The following IPO7 variants were observed in gnomAD, a reference collection of about 807,000 sequenced individuals.
IPO7 encodes importin-7.
A neutral mutation model predicts 136.4 loss-of-function variants in IPO7; 13 were observed. The observed-to-expected ratio is 0.10, with a 90% CI of 0.06 to 0.15. The LOEUF (loss-of-function observed/expected upper bound fraction) is 0.15. Ranked by LOEUF, IPO7 falls within the 10% of genes least tolerant of loss-of-function variation. The pLI is 1.00. For synonymous variants in IPO7, 403 were observed against 404.4 expected (o/e 1.00, Z 0.04); for missense variants, 857 against 1,240.6 (o/e 0.69, Z 4.65).
At chr11:9,444,836 C>CAAAA (rs1044435694) in intron 24 of IPO7, among the ~76,000 whole-genome samples, 2 of 71,064 alleles carry the variant, frequency 2.8e-5, no homozygotes, top group African/African-American at 4.4e-5. Context: ...GACTCTGTCT[C>CAAAA]AAAAAAAAAA....
intron 6 of IPO7, among the ~76,000 whole-genome samples, chr11:9,419,559 A>AAAAAAATAT (rs1256216265): frequency 8.6e-6 from 1 of 116,866 alleles, no homozygotes; most frequent in African/African-American, 3.8e-5. Context: ...AAAAAAAAAA[A>AAAAAAATAT]ATATATATAT....
chr11:9,426,019 C>A (rs1405695633), intron 12 of IPO7, among the ~76,000 whole-genome samples: 2 of 151,954 alleles, frequency 1.3e-5, no homozygotes, highest in East Asian at 3.9e-4. Context: ...GCACTCCATG[C>A]TCCAGTCCAG....
chr11:9,416,694 C>T (rs1386939339), intron 5 of IPO7, among the ~76,000 whole-genome samples: 1 of 152,096 alleles, frequency 6.6e-6, no homozygotes. Flanking sequence ...CTGTAAACAT[C>T]TTTATGGATG....
intron 24 of IPO7, among the ~76,000 whole-genome samples, chr11:9,443,683 G>T (rs962134386): frequency 4.5e-4 from 67 of 150,384 alleles, no homozygotes; most frequent in African/African-American, 1.6e-3. Flanking sequence ...CAGGAGGGTT[G>T]CTTGAGTTTG....
At chr11:9,414,054 T>C (rs763626688) in intron 4 of IPO7, among the ~76,000 whole-genome samples, 2 of 152,214 alleles carry the variant, frequency 1.3e-5, no homozygotes, top group Admixed American at 6.5e-5. Flanking sequence ...TCATAATACA[T>C]GTTCAGAAAA....
intron 2 of IPO7, among the ~76,000 whole-genome samples, chr11:9,407,816 C>T (rs1486223874): frequency 6.6e-6 from 1 of 152,144 alleles, no homozygotes; most frequent in South Asian, 2.1e-4. Context: ...TCTGTTCTCC[C>T]CCACTCTCTG....
chr11:9,440,727 T>G, intron 23 of IPO7, 66 bp downstream of exon 23: 2 of 1,272,788 alleles, frequency 1.6e-6, no homozygotes, highest in East Asian at 2.3e-5. Flanking sequence ...CTGCCTGCCC[T>G]TTAAAGGAAG....
chr11:9,410,438 C>G (rs1034131807), intron 4 of IPO7, among the ~76,000 whole-genome samples: 1 of 152,064 alleles, frequency 6.6e-6, no homozygotes, highest in African/African-American at 2.4e-5. Context: ...GATTAAAGCT[C>G]TTTATTACTT....
intron 4 of IPO7, among the ~76,000 whole-genome samples, chr11:9,411,215 C>G (rs1412709407): frequency 6.6e-6 from 1 of 152,174 alleles, no homozygotes; most frequent in East Asian, 1.9e-4. Flanking sequence ...GTGGGAGATA[C>G]AGGAGGCTGC....
At chr11:9,397,092 C>CAT (rs1241885145) in intron 1 of IPO7, among the ~76,000 whole-genome samples, 24 of 151,234 alleles carry the variant, frequency 1.6e-4, no homozygotes, top group African/African-American at 5.4e-4. Context: ...TGTTGCTATA[C>CAT]ATCTGTCCAG....
chr11:9,387,481 TC>T (rs1223002826), intron 1 of IPO7, among the ~76,000 whole-genome samples: 7 of 152,350 alleles, frequency 4.6e-5, no homozygotes, highest in African/African-American at 1.7e-4. Context: ...CTATCTCCTT[TC>T]ACTTGTTTTT....
intron 4 of IPO7, 78 bp from the exon 5 acceptor site, chr11:9,414,177 A>T (rs1184861292): frequency 3.9e-6 from 4 of 1,036,382 alleles, no homozygotes; most frequent in Admixed American, 3.0e-5. Flanking sequence ...ATATTTGTGT[A>T]AATAAATGCA....
At position 9,420,751 on chromosome 11, in the gene IPO7, T is replaced by TTA. The variant is rs565448679; in HGVS notation, c.906+59_906+60dup. The TTA allele has an allele frequency of 2.0e-3, 2,325 of 1,190,294 alleles. 8 individuals are homozygous for TTA. The highest frequency in any genetic ancestry group is 2.7e-3 in the Non-Finnish European group (2,155 of 799,246). 73.7% of individuals were successfully genotyped at this position (1,190,294 alleles called of 1,614,324 possible). A position where few individuals can be genotyped will look rare whatever the true frequency, so the allele number is the denominator to read the frequency against. The stretch of plus-strand genomic sequence containing the variant: ...GGAAACATGGCATCTTTAAGTTAAT[T>TTA]TATATATTGCTTATTCCCAGTTTCT... On this transcript the variant is annotated intron_variant, in intron 8 of 24. Coordinates refer to ENST00000379719, the MANE Select transcript of IPO7 (RefSeq NM_006391.3).
chr11:9,417,101 G>C lies in IPO7; in HGVS notation c.679G>C (p.Glu227Gln). ...LELINQQNLT[E>Q]WIEILKTVVN... Reference sequence around the variant, plus strand: ...ACTGATAAACCAACAGAACCTGACAGAATGGATAGAAATTTTAAAGACTGT... The same window carrying C: ...ACTGATAAACCAACAGAACCTGACACAATGGATAGAAATTTTAAAGACTGT... Residue 227 changes from glutamate to glutamine, a missense_variant, in exon 6 of 25, where the codon GAA (glutamate) becomes CAA (glutamine). Glu to Gln is a conservative substitution (Grantham distance 29). Coordinates refer to ENST00000379719, the MANE Select transcript of IPO7 (RefSeq NM_006391.3). The C allele has an allele frequency of 1.3e-6, 2 of 1,569,968 alleles. No individual in the cohort carries two copies. The highest frequency in any genetic ancestry group is 1.8e-6 in the Non-Finnish European group (2 of 1,141,356).
intron 22 of IPO7, 73 bp downstream of exon 22, chr11:9,438,358 G>GC: frequency 4.2e-6 from 4 of 951,254 alleles, no homozygotes; most frequent in Non-Finnish European, 6.6e-6. Flanking sequence ...CGGGCGCAGT[G>GC]GCTCAGGCCT....
chr11:9,405,796 T>C (rs979787806), intron 2 of IPO7, among the ~76,000 whole-genome samples: 2 of 152,218 alleles, frequency 1.3e-5, no homozygotes, highest in Non-Finnish European at 2.9e-5. Flanking sequence ...TTTTTGTAAA[T>C]ATTTCTAATT....
intron 6 of IPO7, 135 bp from the exon 7 acceptor site, chr11:9,420,276 T>A (rs1855108193): frequency 1.7e-6 from 1 of 590,076 alleles, no homozygotes; most frequent in African/African-American, 1.9e-5. Flanking sequence ...GAGATGGCAA[T>A]AGAGCAAGAC....
At chr11:9,421,418 A>C (rs1286942178) in intron 8 of IPO7, among the ~76,000 whole-genome samples, 1 of 151,074 alleles carries the variant, frequency 6.6e-6, no homozygotes, top group Non-Finnish European at 1.5e-5. Flanking sequence ...TCACGAGGTC[A>C]GGAGTTCGAG....
chr11:9,423,708 C>T, intron 9 of IPO7, 69 bp from the exon 10 acceptor site: 1 of 990,936 alleles, frequency 1.0e-6, no homozygotes. Context: ...GGTTTTAATA[C>T]TTAAAGGAAA....
Sources: gnomAD v4.1 joint callset for allele counts (sites outside exome capture counted in the v4.1 genomes callset) on GRCh38, gnomAD v4.1.1 for gene constraint, MANE v1.5 for transcripts, NCBI Gene and HGNC (gene_info 2026-07-23, HGNC 2026-07-21) for gene names.